The following WNT3 variants were observed in gnomAD, a reference collection of about 807,000 sequenced individuals.
WNT3 encodes proto-oncogene Wnt-3.
In WNT3, 7 loss-of-function variants were observed where a neutral mutation model predicts 34.2. The ratio of observed to expected loss-of-function variants is 0.20; its 90% CI spans 0.12 to 0.38. The LOEUF is 0.38. Among genes scored for constraint, WNT3 ranks in the 10% least tolerant of loss-of-function variants. WNT3 has a pLI of 1.00. For synonymous variants in WNT3, 212 were observed against 211.5 expected (o/e 1.00, Z -0.02); for missense variants, 267 against 499.8 (o/e 0.53, Z 4.44).
Position 46,768,995 on chromosome 17 carries a change from A to G in WNT3, c.589-196T>C, listed in dbSNP as rs1342431171. Among the ~76,000 whole-genome samples the G allele has an allele frequency of 6.6e-6, 1 of 152,150 alleles. No individual in the cohort carries two copies. The highest frequency in any genetic ancestry group is 1.5e-5 in the Non-Finnish European group (1 of 68,034). ...TTCCCTCCCCCTTCACACCCCAAGC[A>G]TGGGTAGACAGCACGTCCACTTCTC... On this transcript the variant is annotated intron_variant, in intron 3 of 4. Coordinates refer to ENST00000225512, the MANE Select transcript of WNT3 (RefSeq NM_030753.5). This position sits in a 1 kb window ranked among gnomAD's most constrained non-coding sequence, Gnocchi z 5.0.
chr17:46,775,328 C>T (rs1283035524), intron 1 of WNT3, among the ~76,000 whole-genome samples: 9 of 152,198 alleles, frequency 5.9e-5, no homozygotes, highest in African/African-American at 2.2e-4. Flanking sequence ...CCCCGGGTCC[C>T]TCCTCCATAC....
At chr17:46,811,692 C>G (rs892555620) in intron 1 of WNT3, among the ~76,000 whole-genome samples, 1 of 152,212 alleles carries the variant, frequency 6.6e-6, no homozygotes, top group African/African-American at 2.4e-5. Context: ...CGGTGGCTCA[C>G]GCCTATAATC....
At chr17:46,811,811 G>A (rs1189067139) in intron 1 of WNT3, among the ~76,000 whole-genome samples, 1 of 152,150 alleles carries the variant, frequency 6.6e-6, no homozygotes, top group Non-Finnish European at 1.5e-5. Flanking sequence ...TCAAATATTA[G>A]CCAGGCATCC....
intron 1 of WNT3, among the ~76,000 whole-genome samples, chr17:46,780,431 T>G (rs1262735058): frequency 6.6e-6 from 1 of 152,130 alleles, no homozygotes; most frequent in Non-Finnish European, 1.5e-5. Context: ...CCTCAAAAAG[T>G]TAAACATAGA....
At chr17:46,794,021 A>G (rs1406212133) in intron 1 of WNT3, among the ~76,000 whole-genome samples, 1 of 152,174 alleles carries the variant, frequency 6.6e-6, no homozygotes, top group African/African-American at 2.4e-5. Context: ...ACGGGGACAT[A>G]ACCAAGACAG....
In WNT3 at chr17:46,769,978, G is replaced by A. The variant is rs775992292; in HGVS notation, c.393C>T (p.Cys131=). 5 of 1,609,786 alleles carry A rather than the reference G, an allele frequency of 3.1e-6. No homozygotes were observed. In the South Asian group the frequency reaches 3.3e-5, roughly 11 times the overall value. ...CGCAAATGGTGGAGGTGCCCTCGGC[G>A]CAGGAGCGGGTGACGGCGAAGGCCA... ...AGVAFAVTRS[C]AEGTSTICGC... is the part of the protein sequence containing the mutation. The change falls in exon 3 of 5, where the codon TGC becomes TGT. Residue 131 remains cysteine, a synonymous_variant. Coordinates refer to ENST00000225512, the MANE Select transcript of WNT3 (RefSeq NM_030753.5).
chr17:46,812,123 T>C (rs2084284234), intron 1 of WNT3, among the ~76,000 whole-genome samples: 1 of 152,132 alleles, frequency 6.6e-6, no homozygotes, highest in African/African-American at 2.4e-5. Context: ...GGATCCAGCT[T>C]CCTTCCTCTT....
chr17:46,807,052 G>GTCATT (rs1413423147), intron 1 of WNT3, among the ~76,000 whole-genome samples: 1 of 152,238 alleles, frequency 6.6e-6, no homozygotes, highest in East Asian at 1.9e-4. Context: ...TCATTGGCCA[G>GTCATT]GAACGAGAGA....
chr17:46,806,136 GAGCTCCTTAC>G (rs2084191380), intron 1 of WNT3, among the ~76,000 whole-genome samples: 1 of 151,838 alleles, frequency 6.6e-6, no homozygotes, highest in Non-Finnish European at 1.5e-5. Flanking sequence ...ACTTGCTTCC[GAGCTCCTTAC>G]AGCTCCTGGT....
intron 1 of WNT3, among the ~76,000 whole-genome samples, chr17:46,775,804 G>A (rs2059408077): frequency 6.6e-6 from 1 of 150,652 alleles, no homozygotes; most frequent in South Asian, 2.1e-4. Context: ...TAGTAGAGAC[G>A]GGGTTTCACC....
At chr17:46,767,772 T>TG (rs2059326461) in intron 4 of WNT3, among the ~76,000 whole-genome samples, 1 of 151,690 alleles carries the variant, frequency 6.6e-6, no homozygotes, top group African/African-American at 2.4e-5. Flanking sequence ...CACTGAATTT[T>TG]GTTTTTTTTT....
chr17:46,773,523 G>T, intron 2 of WNT3, 145 bp downstream of exon 2: 2 of 927,130 alleles, frequency 2.2e-6, no homozygotes, highest in Non-Finnish European at 3.2e-6. Flanking sequence ...CTGGGAAGGT[G>T]TGGCAGTCAT....
intron 1 of WNT3, among the ~76,000 whole-genome samples, chr17:46,793,339 G>A (rs2084012508): frequency 6.7e-6 from 1 of 149,434 alleles, no homozygotes; most frequent in Non-Finnish European, 1.5e-5. Flanking sequence ...TTTATAGAGA[G>A]CATGTTCATG....
intron 1 of WNT3, among the ~76,000 whole-genome samples, chr17:46,794,010 G>A (rs1387288235): frequency 1.3e-5 from 2 of 152,158 alleles, no homozygotes; most frequent in African/African-American, 2.4e-5. Flanking sequence ...AACTAGGCAC[G>A]ACGGGGACAT....
At chr17:46,793,272 T>TTAAA (rs2084010947) in intron 1 of WNT3, among the ~76,000 whole-genome samples, 1 of 41,950 alleles carries the variant, frequency 2.4e-5, no homozygotes, top group Non-Finnish European at 4.0e-5. Context: ...AGACCCTGTC[T>TTAAA]AAAAAAAAAA....
At chr17:46,793,552 A>C (rs2084015895) in intron 1 of WNT3, among the ~76,000 whole-genome samples, 1 of 152,144 alleles carries the variant, frequency 6.6e-6, no homozygotes. Flanking sequence ...AAGGCATTGC[A>C]GGAGGAGAGG....
chr17:46,807,933 C>T (rs1045328026), intron 1 of WNT3, among the ~76,000 whole-genome samples: 4 of 152,058 alleles, frequency 2.6e-5, no homozygotes, highest in African/African-American at 7.2e-5. Flanking sequence ...AGCTGAAGGT[C>T]GAATTGTAAA....
chr17:46,800,820 G>A (rs1372547950), intron 1 of WNT3, among the ~76,000 whole-genome samples: 1 of 152,206 alleles, frequency 6.6e-6, no homozygotes, highest in Non-Finnish European at 1.5e-5. Context: ...AAATAGATGT[G>A]CTCAGAAGGG....
Position 46,773,652 on chromosome 17 carries a change from A to ACC in WNT3, c.322+15_322+16insGG. 1 of 320,208 alleles carries ACC rather than the reference A, an allele frequency of 3.1e-6. No homozygotes were observed. Among genetic ancestry groups the ACC allele is most frequent in the Non-Finnish European group, 4.5e-6 (1 of 224,220 alleles). The allele number at this position is 320,208 out of a possible 1,614,324, so 19.8% of individuals were successfully genotyped here. On this transcript the variant is annotated intron_variant, in intron 2 of 4. Coordinates refer to ENST00000225512, the MANE Select transcript of WNT3 (RefSeq NM_030753.5). Reference sequence around the variant, plus strand: ...CCCACCCAGCCCCTCCCCCCCCCTCAGCCCCAAGGCAGTACCTTTGTCGAG... The same window carrying ACC: ...CCCACCCAGCCCCTCCCCCCCCCTCACCGCCCCAAGGCAGTACCTTTGTCGAG...
Sources: allele counts gnomAD v4.1 joint callset (sites outside exome capture counted in the v4.1 genomes callset), GRCh38; gene constraint gnomAD v4.1.1; non-coding constraint Gnocchi (gnomAD v3.1); transcripts MANE v1.5; gene names NCBI Gene and HGNC (gene_info 2026-07-23, HGNC 2026-07-21).